The following BANF2 variants were observed in gnomAD, a reference collection of about 807,000 sequenced individuals.
The protein encoded by BANF2 is BANF family member 2.
In BANF2, 4 loss-of-function variants were observed where a neutral mutation model predicts 8.0. That is an observed-to-expected ratio of 0.50 (90% CI 0.25 to 1.14). The LOEUF is 1.14. BANF2 is among the 50% of genes most tolerant of loss of function. BANF2 has a pLI of 0.16. For synonymous variants in BANF2, 50 were observed against 40.6 expected, an observed-to-expected ratio of 1.23 and a Z score of -0.88; for missense variants, 96 against 107.5, an observed-to-expected ratio of 0.89 and a Z score of 0.47.
intron 1 of BANF2, among the ~76,000 whole-genome samples, chr20:17,718,237 C>T (rs1358301723): frequency 6.6e-6 from 1 of 152,158 alleles, no homozygotes; most frequent in Non-Finnish European, 1.5e-5. Context: ...TGGAGTCTCA[C>T]TCTGTTGCCC....
At chr20:17,706,618 G>A (rs948765904) in intron 1 of BANF2, among the ~76,000 whole-genome samples, 1 of 152,202 alleles carries the variant, frequency 6.6e-6, no homozygotes, top group African/African-American at 2.4e-5. Context: ...ATCCGTAGTA[G>A]GGGATCCTTA....
Position 17,735,870 on chromosome 20 carries a change from T to A in BANF2, c.*59T>A. 4.5e-6 allele frequency: 7 copies of A among 1,550,774 alleles called. No individual in the cohort carries two copies. In the Admixed American group the frequency reaches 1.0e-4, roughly 23 times the overall value. The stretch of plus-strand genomic sequence containing the variant: ...TGGGGAAAATGACGCCTTCTCCACC[T>A]ATGCCCAGGCTCCGAGTCCTCATTT... On this transcript the variant is annotated 3_prime_UTR_variant, in exon 4 of 4. Transcript: ENST00000246090.
At chr20:17,735,279 C>G (rs2037961214) in intron 3 of BANF2, among the ~76,000 whole-genome samples, 1 of 152,150 alleles carries the variant, frequency 6.6e-6, no homozygotes, top group Admixed American at 6.5e-5. Flanking sequence ...CCCGGCTACT[C>G]AAACTGTTGT....
chr20:17,715,329 G>A (rs1262670207), intron 1 of BANF2, among the ~76,000 whole-genome samples: 1 of 152,218 alleles, frequency 6.6e-6, no homozygotes, highest in African/African-American at 2.4e-5. Context: ...GGTATCTGCA[G>A]AAGACATCGT....
chr20:17,712,345 C>A, intron 1 of BANF2: 1 of 179,446 alleles, frequency 5.6e-6, no homozygotes, highest in Non-Finnish European at 1.1e-5. Context: ...CTGCCTCAAG[C>A]TTATCTTCCC....
intron 1 of BANF2, among the ~76,000 whole-genome samples, chr20:17,710,125 TA>T: frequency 6.6e-6 from 1 of 152,172 alleles, no homozygotes. Flanking sequence ...GCTGGGTACT[TA>T]CCCACCTACT....
chr20:17,722,940 C>T, intron 2 of BANF2, 62 bp downstream of exon 2: 1 of 915,016 alleles, frequency 1.1e-6, no homozygotes, highest in Non-Finnish European at 1.3e-6. Context: ...GTTGGATGCA[C>T]CTGATCATTT....
chr20:17,705,963 G>T (rs1222946542), intron 1 of BANF2, among the ~76,000 whole-genome samples: 1 of 152,224 alleles, frequency 6.6e-6, no homozygotes, highest in Non-Finnish European at 1.5e-5. Flanking sequence ...GGGCCCATGG[G>T]CACCCAAAGT....
At chr20:17,701,043 A>T (rs573145167) in intron 1 of BANF2, among the ~76,000 whole-genome samples, 4 of 152,252 alleles carry the variant, frequency 2.6e-5, no homozygotes, top group African/African-American at 9.6e-5. Context: ...TGGGGGGTGG[A>T]TCAGAGAAAT....
chr20:17,723,929 T>A (rs1055429418), intron 2 of BANF2, among the ~76,000 whole-genome samples: 2 of 152,108 alleles, frequency 1.3e-5, no homozygotes, highest in Non-Finnish European at 2.9e-5. Context: ...CAGGAGGCAG[T>A]GGTTGCAGTG....
At chr20:17,694,766 G>A (rs532379633) in intron 1 of BANF2, among the ~76,000 whole-genome samples, 17 of 151,454 alleles carry the variant, frequency 1.1e-4, no homozygotes, top group South Asian at 2.1e-4. Flanking sequence ...ATAGAGGTTC[G>A]TGCCACCAGG....
At chr20:17,713,426 AG>A (rs1467319682) in intron 1 of BANF2, among the ~76,000 whole-genome samples, 2 of 152,192 alleles carry the variant, frequency 1.3e-5, no homozygotes, top group Non-Finnish European at 2.9e-5. Flanking sequence ...GGTGTTTGTC[AG>A]GGGCTATGAG....
chr20:17,711,126 A>C (rs1460201024), intron 1 of BANF2, among the ~76,000 whole-genome samples: 2 of 152,188 alleles, frequency 1.3e-5, no homozygotes, highest in African/African-American at 4.8e-5. Context: ...TTATTACCTA[A>C]ATCTGGCAAC....
At chr20:17,704,698 A>G (rs1316006345) in intron 1 of BANF2, among the ~76,000 whole-genome samples, 1 of 152,186 alleles carries the variant, frequency 6.6e-6, no homozygotes, top group African/African-American at 2.4e-5. Context: ...AAATTGGTGG[A>G]ATGGGTCTCT....
At chr20:17,710,667 G>A (rs1473327609) in intron 1 of BANF2, among the ~76,000 whole-genome samples, 1 of 152,196 alleles carries the variant, frequency 6.6e-6, no homozygotes, top group Non-Finnish European at 1.5e-5. Flanking sequence ...GCTTGCCTCC[G>A]AGGTGACTTC....
chr20:17,719,308 T>C lies in BANF2; in HGVS notation c.-166-3408T>C, dbSNP rs546089293. On this transcript the variant is annotated intron_variant, in intron 1 of 3. Transcript: ENST00000246090. ...CCCAGCTAATTTTTTTCTTTTATAT[T>C]TTTAGTAGAGACGGGGTTTCACCAT... is the stretch of plus-strand genomic sequence containing the variant. 3.7e-3 allele frequency among the ~76,000 whole-genome samples: 559 copies of C among 152,144 alleles called. 2 individuals are homozygous for C. Among genetic ancestry groups the C allele is most frequent in the Middle Eastern group, 6.8e-3 (2 of 294 alleles).
chr20:17,732,384 C>T (rs952323238), intron 3 of BANF2, among the ~76,000 whole-genome samples: 3 of 152,132 alleles, frequency 2.0e-5, no homozygotes, highest in Non-Finnish European at 4.4e-5. Flanking sequence ...TTGTTTGTTT[C>T]GAGACAGAGT....
chr20:17,705,626 T>A (rs2037471253), intron 1 of BANF2, among the ~76,000 whole-genome samples: 1 of 152,208 alleles, frequency 6.6e-6, no homozygotes, highest in African/African-American at 2.4e-5. Context: ...CTGGTGTACA[T>A]TGTGAATCCC....
chr20:17,724,935 G>A (rs1600225910), intron 2 of BANF2, 88 bp from the exon 3 acceptor site: 1 of 1,340,530 alleles, frequency 7.5e-7, no homozygotes, highest in East Asian at 2.4e-5. Context: ...CCAGTCCCTT[G>A]GTGGGCTGAG....
Sources: allele counts gnomAD v4.1 joint callset (sites outside exome capture counted in the v4.1 genomes callset), GRCh38; gene constraint gnomAD v4.1.1; transcripts MANE v1.5; gene names NCBI Gene and HGNC (gene_info 2026-07-23, HGNC 2026-07-21).